The following ATRNL1 variants were observed in gnomAD, a reference collection of about 807,000 sequenced individuals.
ATRNL1 encodes the protein attractin like 1.
ATRNL1 carries 95 observed loss-of-function variants against 182.7 expected under a neutral mutation model. The observed-to-expected ratio is 0.52, with a 90% CI of 0.44 to 0.62. The LOEUF is 0.62. Among genes scored for constraint, ATRNL1 ranks in the 20% least tolerant of loss-of-function variants. ATRNL1 has a pLI of 0.00. For synonymous variants in ATRNL1, 576 were observed against 568.3 expected (o/e 1.01, Z -0.19); for missense variants, 1,471 against 1,679.5 (o/e 0.88, Z 2.17).
At chr10:115,244,373 G>T (rs553705130) in intron 10 of ATRNL1, among the ~76,000 whole-genome samples, 4 of 152,192 alleles carry the variant, frequency 2.6e-5, no homozygotes, top group Admixed American at 2.6e-4. Flanking sequence ...TTGCATGATG[G>T]ATGTAGAAGG....
intron 27 of ATRNL1, among the ~76,000 whole-genome samples, chr10:115,821,227 A>C (rs1471927418): frequency 6.6e-6 from 1 of 152,128 alleles, no homozygotes; most frequent in Non-Finnish European, 1.5e-5. Context: ...TACCTCATAA[A>C]TAGTTGCAAA....
At chr10:115,707,098 C>T (rs1438416195) in intron 26 of ATRNL1, among the ~76,000 whole-genome samples, 5 of 151,844 alleles carry the variant, frequency 3.3e-5, no homozygotes, top group Non-Finnish European at 7.4e-5. Flanking sequence ...TAATCCGTGT[C>T]GCTTTTATCC....
At chr10:115,133,393 C>T (rs1400505101) in intron 5 of ATRNL1, among the ~76,000 whole-genome samples, 1 of 152,078 alleles carries the variant, frequency 6.6e-6, no homozygotes, top group African/African-American at 2.4e-5. Context: ...CCTGAGGTTG[C>T]AATCCTAGTC....
chr10:115,688,190 T>C (rs927146186), intron 26 of ATRNL1, among the ~76,000 whole-genome samples: 4 of 152,138 alleles, frequency 2.6e-5, no homozygotes, highest in African/African-American at 9.7e-5. Context: ...TGTATATATA[T>C]ATTACATTTC....
rs1282015695 is a variant in ATRNL1, at chr10:115,187,219, C to G, written c.1348+15927C>G. ...AAAATGAGCAGCAGAGTAGGTATGACCCCACAGGACATAGCTTACCCACCC... is the reference window on the plus strand; with the variant it reads ...AAAATGAGCAGCAGAGTAGGTATGAGCCCACAGGACATAGCTTACCCACCC... On this transcript the variant is annotated intron_variant, in intron 8 of 28. Transcript: ENST00000355044. Among the ~76,000 whole-genome samples, 9 of 151,582 alleles carry G rather than the reference C, an allele frequency of 5.9e-5. No individual in the cohort carries two copies. In the South Asian group the frequency reaches 1.0e-3, roughly 18 times the overall value.
chr10:115,597,507 C>T (rs1202384317), intron 26 of ATRNL1: 3 of 344,578 alleles, frequency 8.7e-6, no homozygotes, highest in East Asian at 9.1e-5. Context: ...GATGAAATTT[C>T]AATTACAAAA....
chr10:115,149,583 C>A (rs191798272), intron 5 of ATRNL1, among the ~76,000 whole-genome samples: 4 of 152,170 alleles, frequency 2.6e-5, no homozygotes, highest in Admixed American at 2.0e-4. Flanking sequence ...TTTTCTGCAT[C>A]TCTTGAGATG....
At chr10:115,533,196 C>T (rs1380192449) in intron 25 of ATRNL1, among the ~76,000 whole-genome samples, 1 of 151,368 alleles carries the variant, frequency 6.6e-6, no homozygotes, top group African/African-American at 2.4e-5. Flanking sequence ...CCTCCTTGTA[C>T]CTCTGGTAGA....
intron 21 of ATRNL1, among the ~76,000 whole-genome samples, chr10:115,439,268 G>A (rs1846550833): frequency 6.6e-6 from 1 of 151,754 alleles, no homozygotes; most frequent in Non-Finnish European, 1.5e-5. Context: ...TCACATATGA[G>A]TGGACTTGCA....
At chr10:115,470,202 T>G (rs2134567810) in intron 24 of ATRNL1, among the ~76,000 whole-genome samples, 1 of 150,510 alleles carries the variant, frequency 6.6e-6, no homozygotes, top group Non-Finnish European at 1.5e-5. Flanking sequence ...ATGAGTGATT[T>G]TTAAAATCAT....
intron 20 of ATRNL1, among the ~76,000 whole-genome samples, chr10:115,414,256 A>G (rs960915019): frequency 3.9e-5 from 6 of 152,002 alleles, no homozygotes; most frequent in Non-Finnish European, 7.4e-5. Flanking sequence ...CCCTGCACCA[A>G]TTCGGAGTAT....
At chr10:115,144,121 G>C (rs1248580120) in intron 5 of ATRNL1, among the ~76,000 whole-genome samples, 1 of 150,946 alleles carries the variant, frequency 6.6e-6, no homozygotes, top group African/African-American at 2.4e-5. Context: ...CTGGATTACA[G>C]GTGCCCACCA....
At chr10:115,224,445 G>C (rs930894772) in intron 9 of ATRNL1, among the ~76,000 whole-genome samples, 2 of 151,398 alleles carry the variant, frequency 1.3e-5, no homozygotes, top group Admixed American at 6.6e-5. Flanking sequence ...TCCCAAGAAA[G>C]GATAAAGAAA....
At chr10:115,706,538 T>C (rs556418589) in intron 26 of ATRNL1, among the ~76,000 whole-genome samples, 10 of 152,024 alleles carry the variant, frequency 6.6e-5, no homozygotes, top group African/African-American at 2.4e-4. Context: ...ATAGTGCACT[T>C]TTATCTGCCA....
intron 19 of ATRNL1, among the ~76,000 whole-genome samples, chr10:115,372,372 C>A (rs1403022025): frequency 6.6e-6 from 1 of 152,090 alleles, no homozygotes; most frequent in African/African-American, 2.4e-5. Context: ...TAATTGGAAA[C>A]AATCCCATTT....
intron 28 of ATRNL1, among the ~76,000 whole-genome samples, chr10:115,883,015 G>T (rs565102621): frequency 3.9e-5 from 6 of 152,264 alleles, no homozygotes; most frequent in Non-Finnish European, 7.3e-5. Context: ...CACTGTCATG[G>T]TCTATCAGGG....
intron 28 of ATRNL1, among the ~76,000 whole-genome samples, chr10:115,916,677 A>C (rs989062275): frequency 1.3e-5 from 2 of 152,180 alleles, no homozygotes; most frequent in Admixed American, 6.5e-5. Flanking sequence ...ATATTTCTTT[A>C]GGAGAGAGAT....
At chr10:115,337,584 C>CT (rs1387278211) in intron 19 of ATRNL1, among the ~76,000 whole-genome samples, 1 of 152,092 alleles carries the variant, frequency 6.6e-6, no homozygotes, top group East Asian at 1.9e-4. Flanking sequence ...CTTTTACTGT[C>CT]TATGTTCATG....
chr10:115,191,703 G>A (rs1233395208), intron 8 of ATRNL1, among the ~76,000 whole-genome samples: 1 of 151,892 alleles, frequency 6.6e-6, no homozygotes, highest in Non-Finnish European at 1.5e-5. Flanking sequence ...TTCCTCCTGT[G>A]TTCATTATCC....
Sources: allele counts gnomAD v4.1 joint callset (sites outside exome capture counted in the v4.1 genomes callset), GRCh38; gene constraint gnomAD v4.1.1; transcripts MANE v1.5; gene names NCBI Gene and HGNC (gene_info 2026-07-23, HGNC 2026-07-21).